The following MBTPS1 variants were observed in gnomAD, a reference collection of about 807,000 sequenced individuals.
MBTPS1 encodes membrane-bound transcription factor site-1 protease.
Under a neutral mutation model 127.8 loss-of-function variants are expected in MBTPS1, and 94 were observed. The ratio of observed to expected loss-of-function variants is 0.74; its 90% CI spans 0.62 to 0.87. MBTPS1 has a LOEUF of 0.87. Among genes scored for constraint, MBTPS1 ranks in the 40% least tolerant of loss-of-function variants. The pLI is 0.00. For synonymous variants in MBTPS1, 632 were observed against 509.4 expected (o/e 1.24, Z -3.24); for missense variants, 1,636 against 1,353.2 (o/e 1.21, Z -3.28).
chr16:84,058,232 G>A (rs559352240), intron 21 of MBTPS1, among the ~76,000 whole-genome samples: 15 of 152,364 alleles, frequency 9.8e-5, no homozygotes, highest in Non-Finnish European at 1.5e-4. Flanking sequence ...AGTGCGTGGT[G>A]TGTTCAGCAC....
chr16:84,086,743 G>A (rs190954816), intron 9 of MBTPS1, among the ~76,000 whole-genome samples: 58 of 152,214 alleles, frequency 3.8e-4, no homozygotes, highest in Middle Eastern at 3.4e-3. Context: ...TGCTCCCCTC[G>A]GCCACAGCGA....
rs750179452 is a variant in MBTPS1, at chr16:84,060,665, C to T, written c.2704+17G>A. On this transcript the variant is annotated intron_variant, in intron 20 of 22. Transcript: ENST00000343411. ...GGATCCAATTCCCTCCCCAAGGCAT[C>T]CTGCCCATCCACTCACCTTCCATCC... 3 of 1,609,758 alleles carry T rather than the reference C, an allele frequency of 1.9e-6. No homozygotes were observed. The highest frequency in any genetic ancestry group is 4.5e-5 in the East Asian group (2 of 44,746).
At chr16:84,105,141 G>T (rs924944194) in intron 1 of MBTPS1, among the ~76,000 whole-genome samples, 1 of 151,868 alleles carries the variant, frequency 6.6e-6, no homozygotes, top group Non-Finnish European at 1.5e-5. Context: ...ACTCTCTAAG[G>T]TAATCAGTTC....
At chr16:84,057,156 C>T (rs964043376) in intron 21 of MBTPS1, 2 of 152,246 alleles carry the variant, frequency 1.3e-5, no homozygotes, top group African/African-American at 4.8e-5. Context: ...AAGAGAGAGA[C>T]TCCCACTCGA....
intron 12 of MBTPS1, 82 bp downstream of exon 12, chr16:84,074,514 AG>A: frequency 1.4e-6 from 2 of 1,424,078 alleles, no homozygotes; most frequent in Non-Finnish European, 1.9e-6. Context: ...TTTTAACTTC[AG>A]CAGAAGTAAC....
chr16:84,103,924 A>G (rs2086290492), intron 1 of MBTPS1, among the ~76,000 whole-genome samples: 1 of 152,182 alleles, frequency 6.6e-6, no homozygotes, highest in African/African-American at 2.4e-5. Flanking sequence ...AACAATGCCA[A>G]CTGCAAGAGC....
At chr16:84,085,621 C>G (rs1200938515) in intron 9 of MBTPS1, among the ~76,000 whole-genome samples, 1 of 126,678 alleles carries the variant, frequency 7.9e-6, no homozygotes, top group African/African-American at 3.0e-5. Context: ...CACTACAATA[C>G]AGAAAATAAG....
intron 8 of MBTPS1, 108 bp downstream of exon 8, chr16:84,090,767 A>T: frequency 2.5e-6 from 2 of 812,222 alleles, no homozygotes; most frequent in Non-Finnish European, 4.2e-6. Context: ...GACAAGTTTT[A>T]GACAGACATA....
rs141095084 is a variant in MBTPS1 at position 84,085,090 on chromosome 16, G to T, written c.1179C>A (p.Thr393=). 4.3e-6 allele frequency: 7 copies of T among 1,614,078 alleles called. No individual in the cohort carries two copies. Among genetic ancestry groups the T allele is most frequent in the Non-Finnish European group, 5.9e-6 (7 of 1,180,034 alleles). The change falls in exon 10 of 23, where the codon ACC becomes ACA. Residue 393 remains threonine (T), a synonymous_variant. Transcript: ENST00000343411. ...GYGRMKPDIV[T]YGAGVRGSGV... The stretch of plus-strand genomic sequence containing the variant: ...CAGAACCCCGCACGCCAGCACCATA[G>T]GTGACAATGTCAGGTTTCATGCGAC...
chr16:84,068,270 C>T lies in MBTPS1; in HGVS notation c.2071+69G>A, dbSNP rs3817151. Reference sequence around the variant, plus strand: ...CTATCACTGAAAACTGGGATTCACTCCTCAGACATTTAACAAACATCCAAA... The same window carrying T: ...CTATCACTGAAAACTGGGATTCACTTCTCAGACATTTAACAAACATCCAAA... On this transcript the variant is annotated intron_variant, in intron 15 of 22. Transcript: ENST00000343411. 0.48 allele frequency: 516,902 copies of T among 1,081,948 alleles called. 125,491 individuals are homozygous for T. The highest frequency in any genetic ancestry group is 0.51 in the Non-Finnish European group (356,848 of 703,818). The allele number at this position is 1,081,948 out of a possible 1,614,324, so 67.0% of individuals were successfully genotyped here.
At chr16:84,112,661 C>CAAAAAAA (rs67005277) in intron 1 of MBTPS1, among the ~76,000 whole-genome samples, 1 of 92,542 alleles carries the variant, frequency 1.1e-5, no homozygotes, top group Non-Finnish European at 2.1e-5. Context: ...GACTCGGTCT[C>CAAAAAAA]AAAAAAAACA....
At chr16:84,054,944 T>C (rs1414205748) in intron 22 of MBTPS1, among the ~76,000 whole-genome samples, 1 of 152,052 alleles carries the variant, frequency 6.6e-6, no homozygotes, top group East Asian at 1.9e-4. Flanking sequence ...TGTCACAACC[T>C]ACCGAAGGGA....
At chr16:84,060,660 G>C in intron 20 of MBTPS1, 22 bp downstream of exon 20, 1 of 1,608,228 alleles carries the variant, frequency 6.2e-7, no homozygotes, top group African/African-American at 1.3e-5. Flanking sequence ...CCCTCCCCAA[G>C]GCATCCTGCC....
At chr16:84,099,009 A>G in intron 3 of MBTPS1, 44 bp downstream of exon 3, 1 of 1,476,228 alleles carries the variant, frequency 6.8e-7, no homozygotes, top group Non-Finnish European at 9.0e-7. Context: ...GAGATTTTCA[A>G]AGTAAACAGC....
At chr16:84,104,099 G>A (rs1343207270) in intron 1 of MBTPS1, among the ~76,000 whole-genome samples, 1 of 152,174 alleles carries the variant, frequency 6.6e-6, no homozygotes, top group Non-Finnish European at 1.5e-5. Context: ...CATGAAGCAT[G>A]TATCTAGCTT....
rs563362982 is a variant in MBTPS1, at chr16:84,092,955, T to C, written c.846+233A>G. ...GAAATCAAAGAATCGTCGTAAGTAG[T>C]AGCCTCGGCAGGGTCTTCAGGGTTC... On this transcript the variant is annotated intron_variant, in intron 6 of 22. Coordinates refer to ENST00000343411, the MANE Select transcript of MBTPS1 (RefSeq NM_003791.4). 2.0e-5 allele frequency among the ~76,000 whole-genome samples: 3 copies of C among 152,312 alleles called. No homozygotes were observed. The East Asian group carries it at 5.8e-4, about 29-fold the overall frequency.
chr16:84,100,082 C>T (rs2086232998), intron 2 of MBTPS1, among the ~76,000 whole-genome samples: 1 of 152,188 alleles, frequency 6.6e-6, no homozygotes, highest in African/African-American at 2.4e-5. Flanking sequence ...TCCCAGCTCC[C>T]CACCTTCACC....
intron 11 of MBTPS1, among the ~76,000 whole-genome samples, chr16:84,076,009 C>T (rs1037511950): frequency 3.3e-5 from 5 of 152,182 alleles, no homozygotes; most frequent in African/African-American, 1.2e-4. Flanking sequence ...TTTAATTCGA[C>T]TACTAATTCA....
At chr16:84,088,137 A>G (rs1291057970) in intron 8 of MBTPS1, among the ~76,000 whole-genome samples, 1 of 152,228 alleles carries the variant, frequency 6.6e-6, no homozygotes, top group Non-Finnish European at 1.5e-5. Flanking sequence ...CAAGATAAAG[A>G]TGAACCATTT....
Sources: gnomAD v4.1 joint callset for allele counts (sites outside exome capture counted in the v4.1 genomes callset) on GRCh38, gnomAD v4.1.1 for gene constraint, MANE v1.5 for transcripts, NCBI Gene and HGNC (gene_info 2026-07-23, HGNC 2026-07-21) for gene names.